Variants in PHYHIPL observed in about 807,000 individuals in gnomAD.
PHYHIPL encodes the protein phytanoyl-CoA 2-hydroxylase interacting protein like, also known as phytanoyl-CoA hydroxylase-interacting protein-like.
In PHYHIPL, 9 loss-of-function variants were observed where a neutral mutation model predicts 33.4. That is an observed-to-expected ratio of 0.27 (90% confidence interval 0.16 to 0.47). The LOEUF is 0.47. Among genes scored for constraint, PHYHIPL ranks in the 20% least tolerant of loss-of-function variants. The pLI is 0.99. For synonymous variants in PHYHIPL, 153 were observed against 154.1 expected (o/e 0.99, Z 0.05); for missense variants, 365 against 460.7 (o/e 0.79, Z 1.90).
chr10:59,214,509 G>C (rs535146648), intron 1 of PHYHIPL, among the ~76,000 whole-genome samples: 43 of 152,108 alleles, frequency 2.8e-4, no homozygotes, highest in Admixed American at 2.0e-3. Flanking sequence ...ATTATTGGCG[G>C]TTATGTTGAT....
At chr10:59,196,421 T>C (rs1838918928) in intron 1 of PHYHIPL, among the ~76,000 whole-genome samples, 1 of 150,328 alleles carries the variant, frequency 6.7e-6, no homozygotes, top group Non-Finnish European at 1.5e-5. Flanking sequence ...CAACATTTTT[T>C]TTTTTTTTTT....
intron 1 of PHYHIPL, among the ~76,000 whole-genome samples, chr10:59,200,441 C>G (rs1223637031): frequency 6.6e-6 from 1 of 152,270 alleles, no homozygotes; most frequent in Non-Finnish European, 1.5e-5. Context: ...TTTTGATGTG[C>G]TGCTGGATTT....
chr10:59,243,413 A>T (rs947900803), intron 4 of PHYHIPL, among the ~76,000 whole-genome samples: 2 of 152,194 alleles, frequency 1.3e-5, no homozygotes, highest in East Asian at 1.9e-4. Context: ...GGAAGGAAAT[A>T]ATAAAAGAAG....
At chr10:59,227,986 A>G (rs1204090009) in intron 1 of PHYHIPL, among the ~76,000 whole-genome samples, 1 of 151,658 alleles carries the variant, frequency 6.6e-6, no homozygotes, top group African/African-American at 2.4e-5. Flanking sequence ...ATATATATAT[A>G]TGTTTTAAAT....
intron 1 of PHYHIPL, among the ~76,000 whole-genome samples, chr10:59,185,835 G>C (rs997011367): frequency 6.6e-6 from 1 of 152,030 alleles, no homozygotes; most frequent in Non-Finnish European, 1.5e-5. Context: ...TTGTAAATTT[G>C]TTTGAGTTCA....
intron 1 of PHYHIPL, among the ~76,000 whole-genome samples, chr10:59,178,015 T>G (rs1328932043): frequency 6.6e-6 from 1 of 152,178 alleles, no homozygotes; most frequent in Non-Finnish European, 1.5e-5. Flanking sequence ...GTACAGATAC[T>G]AATACGCTCA....
intron 1 of PHYHIPL, among the ~76,000 whole-genome samples, chr10:59,229,859 CTTAG>C (rs57324961): frequency 0.1 from 15,465 of 152,068 alleles, 906 homozygotes; most frequent in South Asian, 0.2. Context: ...GGCGCATACT[CTTAG>C]TTAGGTTTTC....
At chr10:59,224,821 G>A (rs2133265882) in intron 1 of PHYHIPL, among the ~76,000 whole-genome samples, 1 of 151,854 alleles carries the variant, frequency 6.6e-6, no homozygotes, top group Non-Finnish European at 1.5e-5. Flanking sequence ...TGAAATTTTG[G>A]TAGTCTGTTG....
In PHYHIPL at chr10:59,246,440, A is replaced by G. The variant is rs1452528651; in HGVS notation, c.*849A>G. On this transcript the variant is annotated 3_prime_UTR_variant, in exon 5 of 5. Transcript: ENST00000373880. Reference sequence around the variant, plus strand: ...AAATAGTCAATAGTCTTCCCATCCAAACTATAAGAGAATGTGAATTTCTTC... The same window carrying G: ...AAATAGTCAATAGTCTTCCCATCCAGACTATAAGAGAATGTGAATTTCTTC... The G allele has an allele frequency of 5.4e-6, 2 of 371,288 alleles. No homozygotes were observed. The highest frequency in any genetic ancestry group is 2.1e-5 in the African/African-American group (1 of 48,118). The allele number at this position is 371,288 out of a possible 1,614,324, so 23.0% of individuals were successfully genotyped here. A position where few individuals can be genotyped will look rare whatever the true frequency, so the allele number is the denominator to read the frequency against.
chr10:59,211,946 C>T (rs1389918919), intron 1 of PHYHIPL, among the ~76,000 whole-genome samples: 2 of 152,104 alleles, frequency 1.3e-5, no homozygotes, highest in Non-Finnish European at 2.9e-5. Flanking sequence ...AACTTAATCC[C>T]CAATGTTGCA....
intron 1 of PHYHIPL, among the ~76,000 whole-genome samples, chr10:59,180,872 A>G (rs1268947168): frequency 6.6e-6 from 1 of 152,192 alleles, no homozygotes; most frequent in Admixed American, 6.5e-5. Context: ...GATAATCCGT[A>G]ATGGCATTTT....
intron 1 of PHYHIPL, among the ~76,000 whole-genome samples, chr10:59,224,745 C>T (rs150670657): frequency 1.4e-4 from 22 of 152,050 alleles, no homozygotes; most frequent in East Asian, 9.7e-4. Flanking sequence ...TTTCAAATTA[C>T]GTTGTAATTA....
chr10:59,223,597 A>T (rs1839838090), intron 1 of PHYHIPL, among the ~76,000 whole-genome samples: 1 of 152,230 alleles, frequency 6.6e-6, no homozygotes. Context: ...AATAAATATG[A>T]ATAACGATGA....
At chr10:59,186,795 A>G (rs1277402437) in intron 1 of PHYHIPL, among the ~76,000 whole-genome samples, 2 of 152,090 alleles carry the variant, frequency 1.3e-5, no homozygotes, top group Non-Finnish European at 2.9e-5. Flanking sequence ...AATGCTTGTG[A>G]TTTTTGTACA....
intron 1 of PHYHIPL, chr10:59,183,528 A>T (rs1008961079): frequency 2.0e-5 from 6 of 305,904 alleles, no homozygotes; most frequent in Non-Finnish European, 2.4e-5. Context: ...TCAGTTTTAC[A>T]GTGACTTTTA....
chr10:59,186,138 T>G (rs2133189218), intron 1 of PHYHIPL, among the ~76,000 whole-genome samples: 1 of 152,316 alleles, frequency 6.6e-6, no homozygotes, highest in Admixed American at 6.5e-5. Flanking sequence ...GAATTAATTT[T>G]TGTATAAGGT....
At chr10:59,233,071 T>G (rs55884194) in intron 1 of PHYHIPL, among the ~76,000 whole-genome samples, 1 of 151,988 alleles carries the variant, frequency 6.6e-6, no homozygotes, top group Non-Finnish European at 1.5e-5. Context: ...AATGGGACTG[T>G]GAAGAAAGTA....
intron 1 of PHYHIPL, among the ~76,000 whole-genome samples, chr10:59,205,718 A>G (rs1376105901): frequency 1.3e-5 from 2 of 152,174 alleles, no homozygotes; most frequent in Non-Finnish European, 2.9e-5. Flanking sequence ...ACTGGTCCTC[A>G]TGGCACAGTC....
At chr10:59,209,991 G>A (rs1180480452) in intron 1 of PHYHIPL, among the ~76,000 whole-genome samples, 1 of 152,118 alleles carries the variant, frequency 6.6e-6, no homozygotes, top group Non-Finnish European at 1.5e-5. Flanking sequence ...AAGAAACCTA[G>A]GCAATACCAT....
Sources: gnomAD v4.1 joint callset for allele counts (sites outside exome capture counted in the v4.1 genomes callset) on GRCh38, gnomAD v4.1.1 for gene constraint, MANE v1.5 for transcripts, NCBI Gene and HGNC (gene_info 2026-07-23, HGNC 2026-07-21) for gene names.